The following CSTF2T variants were observed in gnomAD, a reference collection of about 807,000 sequenced individuals.
CSTF2T encodes CF-1 64 kDa subunit tau.
A neutral mutation model predicts 39.9 loss-of-function variants in CSTF2T; 18 were observed. The ratio of observed to expected loss-of-function variants is 0.45; its 90% CI spans 0.31 to 0.67. The LOEUF (loss-of-function observed/expected upper bound fraction) is 0.67. Among genes scored for constraint, CSTF2T ranks in the 30% least tolerant of loss-of-function variants. The pLI, the probability that CSTF2T is intolerant of heterozygous loss-of-function variation, is 0.06. For synonymous variants in CSTF2T, 291 were observed against 276.4 expected (o/e 1.05, Z -0.52); for missense variants, 681 against 789.0 (o/e 0.86, Z 1.64).
Position 51,699,101 on chromosome 10 carries a change from C to A in CSTF2T, c.449G>T (p.Cys150Phe). 1 of 1,614,190 alleles carries A rather than the reference C, an allele frequency of 6.2e-7. No individual in the cohort carries two copies. The highest frequency in any genetic ancestry group is 8.5e-7 in the Non-Finnish European group (1 of 1,180,032). ...AGCTTCCTGGTGGCTGTTTTGGACA[C>A]AGAGCTTCATCTGCTTCATCAGCTC... ...MFELMKQMKL[C>F]VQNSHQEARN... is the part of the protein sequence containing the mutation. Residue 150 changes from cysteine (C) to phenylalanine (F), a missense_variant, in exon 1 of 1, where the codon TGT becomes TTT. Physicochemically the swap from Cys to Phe is radical, Grantham distance 205 (BLOSUM62 -2). Around this residue, in one of 4 missense-constraint regions of CSTF2T, gnomAD observed 329 missense variants for 344.1 expected, o/e 0.96. Coordinates refer to ENST00000331173, the MANE Select transcript of CSTF2T (RefSeq NM_015235.3).
In CSTF2T at chr10:51,698,708, G is replaced by C. The variant is rs761937055; in HGVS notation, c.842C>G (p.Thr281Ser). The change falls in exon 1 of 1, where the codon ACT becomes AGT. Residue 281 changes from threonine to serine, a missense_variant. By Grantham distance (58) the Thr-to-Ser change is moderately conservative. This residue lies in a region of CSTF2T where 329 missense variants were observed against 344.1 expected (regional missense o/e 0.96). Coordinates refer to ENST00000331173, the MANE Select transcript of CSTF2T (RefSeq NM_015235.3). ...TTGGGGCTGCATTGCTCCTCCAGGAGTTAAGGAACCAGGACCAGCTCCGGG... is the reference window on the plus strand; with the variant it reads ...TTGGGGCTGCATTGCTCCTCCAGGACTTAAGGAACCAGGACCAGCTCCGGG... Reference protein sequence around the residue: ...AVPGAGPGSLTPGGAMQPQLG... With the variant: ...AVPGAGPGSLSPGGAMQPQLG... 103 of 1,614,112 alleles carry C rather than the reference G, an allele frequency of 6.4e-5. 1 individual carries two copies. The South Asian group carries it at 8.1e-4, about 13-fold the overall frequency.
At position 51,696,859 on chromosome 10, in the gene CSTF2T, T is replaced by G. The variant is rs1252419993; in HGVS notation, c.*840A>C. ...CAACCAGTCCCTAGACACTGATTTTTGGGAAGGATTTTTAGAGAATTACTG... is the reference window on the plus strand; with the variant it reads ...CAACCAGTCCCTAGACACTGATTTTGGGGAAGGATTTTTAGAGAATTACTG... On this transcript the variant is annotated 3_prime_UTR_variant, in exon 1 of 1. Coordinates refer to ENST00000331173, the MANE Select transcript of CSTF2T (RefSeq NM_015235.3). 6.6e-6 allele frequency: 1 copy of G among 152,142 alleles called. No individual in the cohort carries two copies. The highest frequency in any genetic ancestry group is 1.5e-5 in the Non-Finnish European group (1 of 68,038). 9.4% of individuals were successfully genotyped at this position (152,142 alleles called of 1,614,324 possible).
rs2132401407 is a variant in CSTF2T at position 51,695,795 on chromosome 10, C to T, written c.*1904G>A. On this transcript the variant is annotated 3_prime_UTR_variant, in exon 1 of 1. Coordinates refer to ENST00000331173, the MANE Select transcript of CSTF2T (RefSeq NM_015235.3). ...TGAAAACCTTGCAAACAAAGAATTA[C>T]TAATTTAAAGTGTAAAAATTTTGCA... 1 of 152,236 alleles carries T rather than the reference C, an allele frequency of 6.6e-6. No individual in the cohort carries two copies. Among genetic ancestry groups the T allele is most frequent in the Admixed American group, 6.5e-5 (1 of 15,286 alleles). The allele number at this position is 152,236 out of a possible 1,614,324, so 9.4% of individuals were successfully genotyped here.
At position 51,697,908 on chromosome 10, in the gene CSTF2T, T is replaced by C; in HGVS notation, c.1642A>G (p.Ile548Val). The change falls in exon 1 of 1, where the codon ATA becomes GTA. Residue 548 changes from isoleucine (I) to valine (V), a missense_variant. Ile to Val is a conservative substitution (Grantham distance 29, BLOSUM62 3). Coordinates refer to ENST00000331173, the MANE Select transcript of CSTF2T (RefSeq NM_015235.3). ...CCACCTTGCTTGCTTGCCCCCTGTA[T>C]ACCTCCTCCTTGTATACCTCCTCCT... ...IQGGGIQGGG[I>V]QGASKQGGSQ... 3.7e-6 allele frequency: 6 copies of C among 1,601,822 alleles called. No homozygotes were observed. Among genetic ancestry groups the C allele is most frequent in the Non-Finnish European group, 5.1e-6 (6 of 1,175,412 alleles).
At position 51,696,586 on chromosome 10, in the gene CSTF2T, C is replaced by A. The variant is rs1841298777; in HGVS notation, c.*1113G>T. The A allele has an allele frequency of 6.6e-6, 1 of 151,930 alleles. No individual in the cohort carries two copies. Among genetic ancestry groups the A allele is most frequent in the Non-Finnish European group, 1.5e-5 (1 of 67,990 alleles). 9.4% of individuals were successfully genotyped at this position (151,930 alleles called of 1,614,324 possible). ...CAAAATCATGCTTGGATGCTCGAGG[C>A]CTGGCAGAACCTTGCTGGTCTCTGT... On this transcript the variant is annotated 3_prime_UTR_variant, in exon 1 of 1. Coordinates refer to ENST00000331173, the MANE Select transcript of CSTF2T (RefSeq NM_015235.3).
Position 51,697,789 on chromosome 10 carries a change from A to G in CSTF2T, c.1761T>C (p.Thr587=). The G allele has an allele frequency of 6.2e-7, 1 of 1,614,184 alleles. No homozygotes were observed. The change falls in exon 1 of 1, where the codon ACT becomes ACC. Residue 587 remains threonine (T), a synonymous_variant. Coordinates refer to ENST00000331173, the MANE Select transcript of CSTF2T (RefSeq NM_015235.3). ...GGGGCAGCATGGCAATCTGATCTGCAGTCAGTTGAAGAACCTGCATGATCA... is the reference window on the plus strand; with the variant it reads ...GGGGCAGCATGGCAATCTGATCTGCGGTCAGTTGAAGAACCTGCATGATCA... ...AALIMQVLQL[T]ADQIAMLPPE... is the part of the protein sequence containing the mutation.
Position 51,699,017 on chromosome 10 carries a change from A to G in CSTF2T, c.533T>C (p.Val178Ala), listed in dbSNP as rs2132409169. The G allele has an allele frequency of 6.2e-7, 1 of 1,614,248 alleles. No individual in the cohort carries two copies. Among genetic ancestry groups the G allele is most frequent in the Middle Eastern group, 1.6e-4 (1 of 6,062 alleles). The change falls in exon 1 of 1, where the codon GTG becomes GCG. Residue 178 changes from valine (V) to alanine (A), a missense_variant. By Grantham distance (64) the Val-to-Ala change is moderately conservative. Coordinates refer to ENST00000331173, the MANE Select transcript of CSTF2T (RefSeq NM_015235.3). ...AATCTCTGGATCCATGATTCTCATC[A>G]CTACTTGTGCCTGCAACAGTGCATA... ...LAYALLQAQVVMRIMDPEIAL... is the reference protein window; with the variant it reads ...LAYALLQAQVAMRIMDPEIAL...
Position 51,697,258 on chromosome 10 carries a change from C to G in CSTF2T, c.*441G>C, listed in dbSNP as rs1396759877. On this transcript the variant is annotated 3_prime_UTR_variant, in exon 1 of 1. Coordinates refer to ENST00000331173, the MANE Select transcript of CSTF2T (RefSeq NM_015235.3). ...GGTTTACCAAAAAATGTATCTTATA[C>G]TTTTGGGTAAACTTTTATTTTGTTA... 6.3e-6 allele frequency: 1 copy of G among 158,394 alleles called. No individual in the cohort carries two copies. Among genetic ancestry groups the G allele is most frequent in the Non-Finnish European group, 1.4e-5 (1 of 72,278 alleles). 9.8% of individuals were successfully genotyped at this position (158,394 alleles called of 1,614,324 possible). A position where few individuals can be genotyped will look rare whatever the true frequency, so the allele number is the denominator to read the frequency against.
chr10:51,698,751 G>GCCCTGGAGCTGGAATTCCA lies in CSTF2T; in HGVS notation c.780_798dup (p.Pro267TrpfsTer51), dbSNP rs746584197. The GCCCTGGAGCTGGAATTCCA allele has an allele frequency of 6.2e-7, 1 of 1,614,184 alleles. No homozygotes were observed. ...GCTCCGGGAACTGCAGCTGGTATTG[G>GCCCTGGAGCTGGAATTCCA]CCCTGGAGCTGGAATTCCACCCTGG... On this transcript the variant is annotated frameshift_variant, in exon 1 of 1. Coordinates refer to ENST00000331173, the MANE Select transcript of CSTF2T (RefSeq NM_015235.3). LOFTEE classifies it high-confidence loss of function.
rs1182168864 is a variant in CSTF2T at position 51,698,803 on chromosome 10, G to A, written c.747C>T (p.Asp249=). The change falls in exon 1 of 1, where the codon GAC becomes GAT. Residue 249 remains aspartate, a synonymous_variant. Transcript: ENST00000331173. ...PQHLARRPVK[D]IPPLMQTPIQ... Reference sequence around the variant, plus strand: ...TAGGAGTCTGCATCAGAGGAGGAATGTCCTTCACAGGTCTTCTAGCCAAAT... The same window carrying A: ...TAGGAGTCTGCATCAGAGGAGGAATATCCTTCACAGGTCTTCTAGCCAAAT... 1.9e-6 allele frequency: 3 copies of A among 1,614,080 alleles called. No individual in the cohort carries two copies. In the African/African-American group the frequency reaches 4.0e-5, roughly 22 times the overall value.
Position 51,699,331 on chromosome 10 carries a change from G to T in CSTF2T, c.219C>A (p.Ala73=). 6.2e-7 allele frequency: 1 copy of T among 1,614,092 alleles called. No homozygotes were observed. The highest frequency in any genetic ancestry group is 8.5e-7 in the Non-Finnish European group (1 of 1,180,030). The stretch of plus-strand genomic sequence containing the variant: ...ACTCCCGCCCATTGAGGTTCCGCAT[G>T]GCACTAAGCGCGGTCTCCTGGTCTT... ...EYQDQETALS[A]MRNLNGREFS... Residue 73 remains alanine, a synonymous_variant, in exon 1 of 1, where the codon GCC becomes GCA. Transcript: ENST00000331173.
In CSTF2T at chr10:51,697,860, G is replaced by A; in HGVS notation, c.1690C>T (p.Pro564Ser). Residue 564 changes from proline (P) to serine (S), a missense_variant, in exon 1 of 1, where the codon CCT (proline) becomes TCT (serine). Physicochemically the swap from Pro to Ser is moderately conservative, Grantham distance 74. Coordinates refer to ENST00000331173, the MANE Select transcript of CSTF2T (RefSeq NM_015235.3). ...TGTGGAGTGACCTGGCTCTGCCCAG[G>A]ACTAAAACTGCTAGGCTGGCTTCCA... ...QGGSQPSSFS[P>S]GQSQVTPQDQ... 6.2e-7 allele frequency: 1 copy of A among 1,613,928 alleles called. No individual in the cohort carries two copies. Among genetic ancestry groups the A allele is most frequent in the Admixed American group, 1.7e-5 (1 of 59,988 alleles).
In CSTF2T at chr10:51,698,953, T is replaced by C; in HGVS notation, c.597A>G (p.Pro199=). 1 of 1,614,198 alleles carries C rather than the reference T, an allele frequency of 6.2e-7. No homozygotes were observed. The highest frequency in any genetic ancestry group is 1.6e-4 in the Middle Eastern group (1 of 6,062). Residue 199 remains proline (P), a synonymous_variant, in exon 1 of 1, where the codon CCA becomes CCG. Transcript: ENST00000331173. The part of the protein sequence containing the change: ...KILHRKIHVT[P]LIPGKSQSVS... ...CAGACTGAGATTTGCCTGGGATCAG[T>C]GGTGTGACATGTATCTTCCGATGCA...
rs768248166 is a variant in CSTF2T, at chr10:51,699,556, G to C, written c.-7C>G. ...TCACCGCCAAACTCGACATGATTCC[G>C]GTTGTGCAGACAGCCGATAGCGGAT... On this transcript the variant is annotated 5_prime_UTR_variant, in exon 1 of 1. Transcript: ENST00000331173. 9 of 1,603,814 alleles carry C rather than the reference G, an allele frequency of 5.6e-6. No individual in the cohort carries two copies. The highest frequency in any genetic ancestry group is 6.8e-6 in the Non-Finnish European group (8 of 1,174,846).
In CSTF2T at chr10:51,695,753, AAAC is replaced by A. The variant is rs1841273459; in HGVS notation, c.*1943_*1945del. 6.6e-6 allele frequency: 1 copy of A among 152,200 alleles called. No homozygotes were observed. Among genetic ancestry groups the A allele is most frequent in the Non-Finnish European group, 1.5e-5 (1 of 68,036 alleles). The allele number at this position is 152,200 out of a possible 1,614,324, so 9.4% of individuals were successfully genotyped here. The stretch of plus-strand genomic sequence containing the variant: ...GAACAAGAGTAAAACAGGTAGTAGA[AAAC>A]AACAGCATAGGGATGAAAACCTTGC... On this transcript the variant is annotated 3_prime_UTR_variant, in exon 1 of 1. Coordinates refer to ENST00000331173, the MANE Select transcript of CSTF2T (RefSeq NM_015235.3).
Position 51,697,899 on chromosome 10 carries a change from C to G in CSTF2T, c.1651G>C (p.Ala551Pro), listed in dbSNP as rs1471473078. The change falls in exon 1 of 1, where the codon GCA becomes CCA. Residue 551 changes from alanine to proline, a missense_variant. Around this residue, in one of 4 missense-constraint regions of CSTF2T, gnomAD observed 282 missense variants for 289.2 expected, o/e 0.98. Transcript: ENST00000331173. ...GGIQGGGIQG[A>P]SKQGGSQPSS... ...GGCTGGCTTCCACCTTGCTTGCTTG[C>G]CCCCTGTATACCTCCTCCTTGTATA... 2.5e-6 allele frequency: 4 copies of G among 1,609,038 alleles called. No homozygotes were observed. In the Admixed American group the frequency reaches 6.8e-5, roughly 27 times the overall value.
In CSTF2T at chr10:51,697,722, G is replaced by T. The variant is rs779389305; in HGVS notation, c.1828C>A (p.Gln610Lys). 1.2e-6 allele frequency: 2 copies of T among 1,614,116 alleles called. No individual in the cohort carries two copies. Among genetic ancestry groups the T allele is most frequent in the Non-Finnish European group, 1.7e-6 (2 of 1,180,020 alleles). The change falls in exon 1 of 1, where the codon CAG becomes AAG. Residue 610 changes from glutamine to lysine, a missense_variant. Coordinates refer to ENST00000331173, the MANE Select transcript of CSTF2T (RefSeq NM_015235.3). ...TTTCAAGACGCTCCAGTGGATTTCT[G>T]GATTTGTTCCTTTAAAATCAGGATA... ...QSILILKEQI[Q>K]KSTGAS
chr10:51,698,304 G>A lies in CSTF2T; in HGVS notation c.1246C>T (p.Arg416Ter). 1.9e-6 allele frequency: 3 copies of A among 1,614,052 alleles called. No individual in the cohort carries two copies. The highest frequency in any genetic ancestry group is 2.5e-6 in the Non-Finnish European group (3 of 1,180,016). Residue 416 changes from arginine (R) to a stop codon, truncating the protein, a stop_gained, in exon 1 of 1, where the codon CGA becomes TGA. Coordinates refer to ENST00000331173, the MANE Select transcript of CSTF2T (RefSeq NM_015235.3). LOFTEE classifies it high-confidence loss of function. ...PMDGRGGRDS[R>*]AMETRAMETE... ...TCCATGGCACGAGTCTCCATCGCTC[G>A]AGAATCTCTACCACCTCTACCATCC...
Position 51,697,449 on chromosome 10 carries a change from C to A in CSTF2T, c.*250G>T. The A allele has an allele frequency of 2.0e-6, 1 of 490,980 alleles. No homozygotes were observed. The highest frequency in any genetic ancestry group is 3.6e-6 in the Non-Finnish European group (1 of 278,104). The allele number at this position is 490,980 out of a possible 1,614,324, so 30.4% of individuals were successfully genotyped here. On this transcript the variant is annotated 3_prime_UTR_variant, in exon 1 of 1. Coordinates refer to ENST00000331173, the MANE Select transcript of CSTF2T (RefSeq NM_015235.3). ...GCTTATTCTTTGTAATCTTATTTGG[C>A]ATAATATAATCATGTTCAGAGTTAT...
Sources: gnomAD v4.1 joint callset for allele counts on GRCh38, gnomAD v4.1.1 for gene constraint, gnomAD v4.1.1 regional missense constraint, MANE v1.5 for transcripts, NCBI Gene and HGNC (gene_info 2026-07-23, HGNC 2026-07-21) for gene names.